ST6GALNAC3: variants seen among roughly 807,000 people sequenced by gnomAD.
The protein encoded by ST6GALNAC3 is alpha-N-acetylgalactosaminide alpha-2,6-sialyltransferase 3.
ST6GALNAC3 carries 25 observed loss-of-function variants against 32.7 expected under a neutral mutation model. That is an observed-to-expected ratio of 0.76 (90% CI 0.56 to 1.07). The LOEUF (loss-of-function observed/expected upper bound fraction) is 1.07. Ranked by LOEUF, ST6GALNAC3 falls within the 50% of genes least tolerant of loss-of-function variation. The probability of loss-of-function intolerance (pLI) is 0.00; values close to 1 mark genes in which losing one functional copy is unlikely to be tolerated. For missense variants in ST6GALNAC3, 355 were observed against 382.4 expected (o/e 0.93, Z 0.60); for synonymous variants, 129 against 133.1 (o/e 0.97, Z 0.21).
intron 1 of ST6GALNAC3, among the ~76,000 whole-genome samples, chr1:76,231,701 C>T (rs1270293132): frequency 6.6e-6 from 1 of 152,196 alleles, no homozygotes; most frequent in Non-Finnish European, 1.5e-5. Flanking sequence ...ATAATATCCA[C>T]TATAGGTATA....
intron 3 of ST6GALNAC3, among the ~76,000 whole-genome samples, chr1:76,616,610 G>T (rs1475934469): frequency 6.6e-6 from 1 of 152,034 alleles, no homozygotes; most frequent in Non-Finnish European, 1.5e-5. Flanking sequence ...TCAGCCTATT[G>T]GAAAAATGAC....
intron 1 of ST6GALNAC3, among the ~76,000 whole-genome samples, chr1:76,078,907 A>C (rs1323759104): frequency 6.6e-6 from 1 of 152,058 alleles, no homozygotes; most frequent in African/African-American, 2.4e-5. Flanking sequence ...CAGCCTCCCA[A>C]ATAGCTGGGA....
chr1:76,566,235 A>G (rs570142608), intron 3 of ST6GALNAC3, among the ~76,000 whole-genome samples: 1 of 152,294 alleles, frequency 6.6e-6, no homozygotes, highest in East Asian at 1.9e-4. Flanking sequence ...TTCAAAAGGA[A>G]CTGAACAACT....
intron 1 of ST6GALNAC3, among the ~76,000 whole-genome samples, chr1:76,269,868 C>A (rs1414617552): frequency 1.3e-5 from 2 of 152,216 alleles, no homozygotes; most frequent in Non-Finnish European, 2.9e-5. Flanking sequence ...TCTAACTGCT[C>A]TTCAGCGTTG....
intron 1 of ST6GALNAC3, among the ~76,000 whole-genome samples, chr1:76,096,774 C>G (rs947096962): frequency 6.6e-6 from 1 of 152,096 alleles, no homozygotes; most frequent in African/African-American, 2.4e-5. Context: ...CCGTCTTTCA[C>G]TCTCCCAAAG....
At chr1:76,166,877 G>C (rs1285523394) in intron 1 of ST6GALNAC3, among the ~76,000 whole-genome samples, 1 of 152,172 alleles carries the variant, frequency 6.6e-6, no homozygotes, top group African/African-American at 2.4e-5. Context: ...TGCTGAAGTT[G>C]TTTATCAGCT....
At chr1:76,494,773 A>G (rs1660751015) in intron 3 of ST6GALNAC3, among the ~76,000 whole-genome samples, 1 of 151,864 alleles carries the variant, frequency 6.6e-6, no homozygotes, top group African/African-American at 2.4e-5. Flanking sequence ...ACACACATAT[A>G]TATGTAGGAA....
chr1:76,450,130 T>C (rs1179641563), intron 3 of ST6GALNAC3, among the ~76,000 whole-genome samples: 2 of 152,220 alleles, frequency 1.3e-5, no homozygotes, highest in African/African-American at 4.8e-5. Flanking sequence ...GTTCTACTTT[T>C]AGTTCTTTAA....
intron 1 of ST6GALNAC3, among the ~76,000 whole-genome samples, chr1:76,124,755 G>A (rs771069905): frequency 3.3e-5 from 5 of 151,938 alleles, no homozygotes; most frequent in Non-Finnish European, 7.4e-5. Flanking sequence ...ATTTCTTCAG[G>A]GGTTTTTATT....
At chr1:76,297,365 A>G (rs3851267) in intron 1 of ST6GALNAC3, among the ~76,000 whole-genome samples, 17,478 of 151,620 alleles carry the variant, frequency 0.12, 1,461 homozygotes, top group East Asian at 0.27. Context: ...TGCACATCTA[A>G]TATGTGCCAA....
At chr1:76,361,804 T>C (rs11162131) in intron 2 of ST6GALNAC3, among the ~76,000 whole-genome samples, 11,974 of 151,478 alleles carry the variant, frequency 0.079, 1,202 homozygotes, top group African/African-American at 0.24. Context: ...CTTGGTGAAA[T>C]CCCATCTCTA....
At chr1:76,487,890 A>G (rs573614232) in intron 3 of ST6GALNAC3, among the ~76,000 whole-genome samples, 15 of 152,166 alleles carry the variant, frequency 9.9e-5, no homozygotes, top group African/African-American at 3.1e-4. Context: ...ATGGTGATGT[A>G]CAGATGGGGT....
chr1:76,324,986 G>A (rs1438710789), intron 2 of ST6GALNAC3, among the ~76,000 whole-genome samples: 1 of 151,876 alleles, frequency 6.6e-6, no homozygotes, highest in Non-Finnish European at 1.5e-5. Flanking sequence ...ACAACGTGCA[G>A]GTTTGTTACA....
chr1:76,256,015 A>AACACACACACACAC (rs10635688), intron 1 of ST6GALNAC3, among the ~76,000 whole-genome samples: 3,645 of 148,512 alleles, frequency 0.025, 131 homozygotes, highest in African/African-American at 0.079. Context: ...TGTCAGTGGT[A>AACACACACACACAC]ACACACACAC....
chr1:76,607,728 C>T (rs1199363754), intron 3 of ST6GALNAC3, among the ~76,000 whole-genome samples: 1 of 152,174 alleles, frequency 6.6e-6, no homozygotes, highest in African/African-American at 2.4e-5. Flanking sequence ...GAGACAGAAC[C>T]AAAGTGCAAG....
At chr1:76,600,073 A>G (rs1647198901) in intron 3 of ST6GALNAC3, among the ~76,000 whole-genome samples, 1 of 152,070 alleles carries the variant, frequency 6.6e-6, no homozygotes, top group Non-Finnish European at 1.5e-5. Context: ...TCAGGAAGTG[A>G]GGCCTTTGGG....
intron 2 of ST6GALNAC3, among the ~76,000 whole-genome samples, chr1:76,370,089 T>C (rs1344335367): frequency 6.6e-6 from 1 of 152,184 alleles, no homozygotes; most frequent in Non-Finnish European, 1.5e-5. Flanking sequence ...TTCTCAGTGA[T>C]AAAGCAGCAG....
intron 2 of ST6GALNAC3, among the ~76,000 whole-genome samples, chr1:76,369,146 C>T (rs2101074273): frequency 6.6e-6 from 1 of 152,230 alleles, no homozygotes; most frequent in South Asian, 2.1e-4. Flanking sequence ...AATAACTTCC[C>T]TCCACCAAGA....
At chr1:76,489,352 T>A (rs1660342636) in intron 3 of ST6GALNAC3, among the ~76,000 whole-genome samples, 1 of 152,098 alleles carries the variant, frequency 6.6e-6, no homozygotes, top group Admixed American at 6.6e-5. Context: ...GTATGTACTA[T>A]GTGACAGGCA....
Sources: gnomAD v4.1 joint callset for allele counts (sites outside exome capture counted in the v4.1 genomes callset) on GRCh38, gnomAD v4.1.1 for gene constraint, MANE v1.5 for transcripts, NCBI Gene and HGNC (gene_info 2026-07-23, HGNC 2026-07-21) for gene names.